Variants in PCDH15 observed in about 807,000 individuals in gnomAD.
The protein encoded by PCDH15 is protocadherin related 15, also known as protocadherin-15.
Under a neutral mutation model 178.5 loss-of-function variants are expected in PCDH15, and 129 were observed. The observed-to-expected ratio is 0.72, with a 90% CI of 0.63 to 0.84. PCDH15 has a LOEUF of 0.84. Ranked by LOEUF, PCDH15 falls within the 40% of genes least tolerant of loss-of-function variation. The probability of loss-of-function intolerance (pLI) is 0.00; values close to 1 mark genes in which losing one functional copy is unlikely to be tolerated. For synonymous variants in PCDH15, 800 were observed against 732.0 expected (o/e 1.09, Z -1.50); for missense variants, 2,230 against 2,099.9 (o/e 1.06, Z -1.21).
intron 2 of PCDH15, among the ~76,000 whole-genome samples, chr10:55,106,184 G>C (rs1054014812): frequency 8.5e-5 from 13 of 152,080 alleles, no homozygotes; most frequent in Non-Finnish European, 1.9e-4. Flanking sequence ...TATCAGGCTG[G>C]TTAAACTCTT....
intron 1 of PCDH15, among the ~76,000 whole-genome samples, chr10:55,190,085 A>G (rs1159611036): frequency 6.6e-6 from 1 of 151,818 alleles, no homozygotes; most frequent in East Asian, 1.9e-4. Flanking sequence ...AGAGCTACAG[A>G]TACACAAAGC....
At chr10:54,336,468 A>T (rs1274441127) in intron 6 of PCDH15, among the ~76,000 whole-genome samples, 3 of 151,990 alleles carry the variant, frequency 2.0e-5, no homozygotes, top group Non-Finnish European at 1.5e-5. Context: ...CAGCCTAGGA[A>T]CTCGGTGCCC....
At chr10:54,391,673 A>G (rs1254057956) in intron 3 of PCDH15, among the ~76,000 whole-genome samples, 1 of 151,820 alleles carries the variant, frequency 6.6e-6, no homozygotes, top group Non-Finnish European at 1.5e-5. Context: ...CTTGGAGAGA[A>G]CCTATGCAAC....
At chr10:53,940,836 G>C (rs1441167367) in intron 24 of PCDH15, 30 bp downstream of exon 24, 2 of 1,473,366 alleles carry the variant, frequency 1.4e-6, no homozygotes, top group African/African-American at 2.8e-5. Context: ...ACTGGTTGAT[G>C]GTGAGAACAC....
At chr10:53,826,415 G>A (rs2076683414) in intron 32 of PCDH15, among the ~76,000 whole-genome samples, 1 of 150,696 alleles carries the variant, frequency 6.6e-6, no homozygotes, top group South Asian at 2.1e-4. Flanking sequence ...TCAATTTCAT[G>A]ATTTTTTAGG....
chr10:55,526,895 G>T (rs1395402311), intron 2 of PCDH15, among the ~76,000 whole-genome samples: 1 of 151,998 alleles, frequency 6.6e-6, no homozygotes, highest in South Asian at 2.1e-4. Flanking sequence ...TATTATTACT[G>T]CTAGGTTATA....
chr10:54,796,246 C>G (rs1024426825), intron 1 of PCDH15, among the ~76,000 whole-genome samples: 2 of 102,174 alleles, frequency 2.0e-5, no homozygotes, highest in African/African-American at 4.4e-5. Flanking sequence ...ATCTATCTAT[C>G]TATCTATCTA....
At chr10:55,497,424 C>T (rs1033633149) in intron 2 of PCDH15, among the ~76,000 whole-genome samples, 1 of 151,770 alleles carries the variant, frequency 6.6e-6, no homozygotes, top group South Asian at 2.1e-4. Flanking sequence ...GCCACCGCGT[C>T]TGGCTGAAAA....
rs116353260 is a variant in PCDH15, at chr10:54,794,878, C to A, written c.-29+6047G>T. 4.8e-3 allele frequency among the ~76,000 whole-genome samples: 732 copies of A among 151,866 alleles called. 5 individuals are homozygous for A. Among genetic ancestry groups the A allele is most frequent in the African/African-American group, 0.017 (701 of 41,464 alleles). On this transcript the variant is annotated intron_variant, in intron 1 of 37. Coordinates refer to ENST00000644397, the MANE Select transcript of PCDH15 (RefSeq NM_001384140.1). ...AAACATAGTCAAACAGTAGTAATAACAAATTTAGTAAAAAGTTCTGAATTG... is the reference window on the plus strand; with the variant it reads ...AAACATAGTCAAACAGTAGTAATAAAAAATTTAGTAAAAAGTTCTGAATTG...
At chr10:55,220,251 C>T (rs538023455) in intron 1 of PCDH15, among the ~76,000 whole-genome samples, 22 of 152,074 alleles carry the variant, frequency 1.4e-4, no homozygotes, top group African/African-American at 2.2e-4. Context: ...CTGAACCAAA[C>T]GAGATAACCT....
At chr10:55,591,381 G>A (rs571466568) in intron 2 of PCDH15, among the ~76,000 whole-genome samples, 1 of 152,064 alleles carries the variant, frequency 6.6e-6, no homozygotes, top group Non-Finnish European at 1.5e-5. Flanking sequence ...GCTTCAGTGA[G>A]TGGAAATCAG....
intron 2 of PCDH15, among the ~76,000 whole-genome samples, chr10:55,624,893 TGAA>T (rs1292728553): frequency 2.0e-5 from 3 of 152,136 alleles, no homozygotes; most frequent in Non-Finnish European, 4.4e-5. Flanking sequence ...TTAATGGAAA[TGAA>T]GAAATTTACT....
At chr10:54,903,870 G>A (rs927320313) in intron 2 of PCDH15, among the ~76,000 whole-genome samples, 6 of 152,030 alleles carry the variant, frequency 3.9e-5, no homozygotes, top group Non-Finnish European at 7.4e-5. Context: ...TATGAAGAGC[G>A]TAGTTCCCTC....
rs1411011529 is a variant in PCDH15 at position 55,586,918 on chromosome 10, T to G, written c.-156+40707A>C. ...TTCCTATTGAATGAAGGATGTTATGTCACTTGCATTGGGTACATAGGCATC... is the reference window on the plus strand; with the variant it reads ...TTCCTATTGAATGAAGGATGTTATGGCACTTGCATTGGGTACATAGGCATC... On this transcript the variant is annotated intron_variant, in intron 2 of 5. Coordinates refer to the PCDH15 transcript ENST00000613346. Among the ~76,000 whole-genome samples, 8 of 152,288 alleles carry G rather than the reference T, an allele frequency of 5.3e-5. No homozygotes were observed. The East Asian group carries it at 1.5e-3, about 29-fold the overall frequency.
In PCDH15 at chr10:53,936,971, T is replaced by C. The variant is rs377170097; in HGVS notation, c.3373+1844A>G. Among the ~76,000 whole-genome samples, 4 of 152,258 alleles carry C rather than the reference T, an allele frequency of 2.6e-5. No homozygotes were observed. In the South Asian group the frequency reaches 8.3e-4, roughly 32 times the overall value. On this transcript the variant is annotated intron_variant, in intron 25 of 37. Coordinates refer to ENST00000644397, the MANE Select transcript of PCDH15 (RefSeq NM_001384140.1). ...GATTGAATTAGAAATATATGGGTTT[T>C]TATTTCAAACTTAGGAGGCAAAGGT...
chr10:54,857,742 G>C (rs1953765752), intron 3 of PCDH15, among the ~76,000 whole-genome samples: 1 of 151,856 alleles, frequency 6.6e-6, no homozygotes, highest in Admixed American at 6.6e-5. Flanking sequence ...AAGAGCCAAT[G>C]TGCCTGACTG....
chr10:55,527,380 C>G (rs974657778), intron 2 of PCDH15, among the ~76,000 whole-genome samples: 3 of 151,996 alleles, frequency 2.0e-5, no homozygotes, highest in African/African-American at 7.2e-5. Context: ...GTAGATTGAG[C>G]TTCATCTTCA....
At chr10:54,899,128 T>C (rs1954598849) in intron 2 of PCDH15, among the ~76,000 whole-genome samples, 2 of 152,192 alleles carry the variant, frequency 1.3e-5, no homozygotes, top group South Asian at 2.1e-4. Flanking sequence ...ATGAAGTTCC[T>C]GTAAATAATT....
intron 18 of PCDH15, among the ~76,000 whole-genome samples, chr10:54,038,281 G>T (rs2660162): frequency 5.3e-5 from 8 of 151,836 alleles, no homozygotes; most frequent in African/African-American, 1.7e-4. Flanking sequence ...TTTGATTCTT[G>T]TATGACTTGA....
Sources: allele counts gnomAD v4.1 joint callset (sites outside exome capture counted in the v4.1 genomes callset), GRCh38; gene constraint gnomAD v4.1.1; transcripts MANE v1.5; gene names NCBI Gene and HGNC (gene_info 2026-07-23, HGNC 2026-07-21).